FRYL: variants seen among roughly 807,000 people sequenced by gnomAD.
The protein encoded by FRYL is protein furry homolog-like.
FRYL carries 150 observed loss-of-function variants against 351.2 expected under a neutral mutation model. The ratio of observed to expected loss-of-function variants is 0.43; its 90% confidence interval spans 0.37 to 0.49. The LOEUF (loss-of-function observed/expected upper bound fraction) is 0.49, where lower values mean the gene tolerates loss of function less well. Ranked by LOEUF, FRYL falls within the 20% of genes least tolerant of loss-of-function variation. The probability of loss-of-function intolerance (pLI) is 0.00; values close to 1 mark genes in which losing one functional copy is unlikely to be tolerated. For missense variants in FRYL, 3,036 were observed against 3,619.3 expected (o/e 0.84, Z 4.13); for synonymous variants, 1,153 against 1,257.1 (o/e 0.92, Z 1.75).
At chr4:48,748,836 G>A (rs968624701) in intron 1 of FRYL, among the ~76,000 whole-genome samples, 1 of 152,186 alleles carries the variant, frequency 6.6e-6, no homozygotes, top group Non-Finnish European at 1.5e-5. Flanking sequence ...TCATGCAGTG[G>A]CCAAGTGTGG....
intron 1 of FRYL, among the ~76,000 whole-genome samples, chr4:48,737,056 G>C (rs1331437197): frequency 6.6e-6 from 1 of 151,632 alleles, no homozygotes; most frequent in African/African-American, 2.4e-5. Context: ...GAGGCAGGCG[G>C]ATCATCTGAG....
intron 17 of FRYL, 78 bp from the exon 18 acceptor site, chr4:48,589,955 T>A: frequency 1.6e-6 from 2 of 1,269,928 alleles, no homozygotes; most frequent in Non-Finnish European, 1.1e-6. Flanking sequence ...AAAAGCCTAT[T>A]AATCTTTAAA....
At chr4:48,656,141 CATT>C (rs1179341125) in intron 3 of FRYL, among the ~76,000 whole-genome samples, 1 of 131,768 alleles carries the variant, frequency 7.6e-6, no homozygotes, top group African/African-American at 2.8e-5. Flanking sequence ...ACAATATATA[CATT>C]ATAAAACGTA....
At chr4:48,642,398 G>C (rs1473623453) in intron 3 of FRYL, among the ~76,000 whole-genome samples, 1 of 152,054 alleles carries the variant, frequency 6.6e-6, no homozygotes, top group Non-Finnish European at 1.5e-5. Context: ...TCAGAGGAGA[G>C]ATCTAATTCT....
chr4:48,507,183 G>T (rs1353373282), intron 59 of FRYL, among the ~76,000 whole-genome samples: 1 of 151,952 alleles, frequency 6.6e-6, no homozygotes, highest in Admixed American at 6.6e-5. Flanking sequence ...ACAGCCTTTT[G>T]GGGGGCACTA....
chr4:48,572,265 G>A (rs1738501935), intron 26 of FRYL, among the ~76,000 whole-genome samples: 1 of 152,182 alleles, frequency 6.6e-6, no homozygotes, highest in African/African-American at 2.4e-5. Context: ...AGACCCAGGA[G>A]TCTAAAATTT....
At chr4:48,729,291 C>G (rs1197423584) in intron 1 of FRYL, among the ~76,000 whole-genome samples, 1 of 152,244 alleles carries the variant, frequency 6.6e-6, no homozygotes, top group Non-Finnish European at 1.5e-5. Context: ...TCTCTAGATT[C>G]CACATCTGGG....
rs1482060320 is a variant in FRYL, at chr4:48,497,844, A to C, written c.*1578T>G. ...CTGGAAATGTTTAACTGTGGTCAGCAGTCCAATGGTGTGCACAGTGCCTTC... is the reference window on the plus strand; with the variant it reads ...CTGGAAATGTTTAACTGTGGTCAGCCGTCCAATGGTGTGCACAGTGCCTTC... On this transcript the variant is annotated 3_prime_UTR_variant, in exon 64 of 64. Coordinates refer to ENST00000358350, the MANE Select transcript of FRYL (RefSeq NM_015030.2). 2.0e-5 allele frequency: 3 copies of C among 152,670 alleles called. No individual in the cohort carries two copies. Among genetic ancestry groups the C allele is most frequent in the African/African-American group, 7.2e-5 (3 of 41,470 alleles). The allele number at this position is 152,670 out of a possible 1,614,324, so 9.5% of individuals were successfully genotyped here. A position where few individuals can be genotyped will look rare whatever the true frequency, so the allele number is the denominator to read the frequency against.
intron 1 of FRYL, among the ~76,000 whole-genome samples, chr4:48,761,942 T>C (rs1305934385): frequency 6.6e-6 from 1 of 152,182 alleles, no homozygotes; most frequent in Non-Finnish European, 1.5e-5. Flanking sequence ...CTACCCAAAG[T>C]GATGACAGGA....
intron 53 of FRYL, among the ~76,000 whole-genome samples, chr4:48,523,670 G>T (rs1276587524): frequency 1.3e-5 from 2 of 152,138 alleles, no homozygotes; most frequent in Non-Finnish European, 2.9e-5. Flanking sequence ...CTTTTTTTAT[G>T]CAAAATATGT....
rs149389499 is a variant in FRYL at position 48,692,235 on chromosome 4, C to T, written c.-203-7440G>A. On this transcript the variant is annotated intron_variant, in intron 2 of 63. Coordinates refer to ENST00000358350, the MANE Select transcript of FRYL (RefSeq NM_015030.2). The stretch of plus-strand genomic sequence containing the variant: ...CAAAGTCCCTTCTTCACATTTCTTA[C>T]TATGGGCCTAAATCGCCTTTTTGAC... 4.3e-3 allele frequency among the ~76,000 whole-genome samples: 662 copies of T among 152,242 alleles called. 8 individuals carry two copies. Among genetic ancestry groups the T allele is most frequent in the African/African-American group, 0.014 (597 of 41,548 alleles).
chr4:48,567,469 T>C lies in FRYL; in HGVS notation c.2997-49A>G, dbSNP rs1737038623. 5.0e-6 allele frequency: 7 copies of C among 1,404,522 alleles called. No homozygotes were observed. The highest frequency in any genetic ancestry group is 2.5e-5 in the Admixed American group (1 of 39,648). 87.0% of individuals were successfully genotyped at this position (1,404,522 alleles called of 1,614,324 possible). ...AGATGAAGTAAATGGGACTTTATGATTTAAATAAAAAATTCTTAATACTCA... is the reference window on the plus strand; with the variant it reads ...AGATGAAGTAAATGGGACTTTATGACTTAAATAAAAAATTCTTAATACTCA... On this transcript the variant is annotated intron_variant, in intron 27 of 63. Coordinates refer to ENST00000358350, the MANE Select transcript of FRYL (RefSeq NM_015030.2). The surrounding 1 kb of genome is among the most constrained non-coding windows in gnomAD (Gnocchi z 4.2).
At position 48,499,627 on chromosome 4, in the gene FRYL, G is replaced by A; in HGVS notation, c.8837C>T (p.Thr2946Ile). The change falls in exon 64 of 64, where the codon ACA (threonine) becomes ATA (isoleucine). Residue 2946 changes from threonine to isoleucine, a missense_variant. By Grantham distance (89) the Thr-to-Ile change is moderately conservative. Around this residue, in one of 7 missense-constraint regions of FRYL, gnomAD observed 1,987 missense variants for 2,311.7 expected, o/e 0.86. Coordinates refer to ENST00000358350, the MANE Select transcript of FRYL (RefSeq NM_015030.2). ...ATGATGGAAATATATATGTAACAGT[G>A]TCTGTACAGGGTCATCTTCACAACT... ...FGSCEDDPVQ[T>I]LLHIYFHHQT... 6.2e-7 allele frequency: 1 copy of A among 1,613,696 alleles called. No individual in the cohort carries two copies. The highest frequency in any genetic ancestry group is 1.1e-5 in the South Asian group (1 of 91,080).
intron 2 of FRYL, among the ~76,000 whole-genome samples, chr4:48,698,547 G>C (rs2149571618): frequency 6.6e-6 from 1 of 152,138 alleles, no homozygotes; most frequent in Admixed American, 6.5e-5. Context: ...TACTGTGCTG[G>C]GTGAGATTTA....
At position 48,510,819 on chromosome 4, in the gene FRYL, G is replaced by A; in HGVS notation, c.8295+16C>T. 6.3e-7 allele frequency: 1 copy of A among 1,594,280 alleles called. No homozygotes were observed. Among genetic ancestry groups the A allele is most frequent in the Non-Finnish European group, 8.6e-7 (1 of 1,165,326 alleles). On this transcript the variant is annotated intron_variant, in intron 58 of 63. Coordinates refer to ENST00000358350, the MANE Select transcript of FRYL (RefSeq NM_015030.2). ...CCAATGTAGTCTTTATAATAAACCT[G>A]CATGTAAAAACTTACTGTTTCAGCA...
intron 7 of FRYL, among the ~76,000 whole-genome samples, chr4:48,614,233 TA>T (rs576774557): frequency 4.0e-5 from 6 of 150,012 alleles, no homozygotes; most frequent in South Asian, 2.1e-4. Flanking sequence ...TTCAGTAGTT[TA>T]AAAAAAAAAT....
chr4:48,499,332 T>A lies in FRYL; in HGVS notation c.*90A>T, dbSNP rs1444295279. On this transcript the variant is annotated 3_prime_UTR_variant, in exon 64 of 64. Transcript: ENST00000358350. The stretch of plus-strand genomic sequence containing the variant: ...TAAAAAGTAGATGCTGCCAGAAAGT[T>A]ATCAGTGAATGCAAGGGTCCATAAA... 9.0e-7 allele frequency: 1 copy of A among 1,111,636 alleles called. No homozygotes were observed. The highest frequency in any genetic ancestry group is 2.4e-5 in the East Asian group (1 of 42,148). 68.9% of individuals were successfully genotyped at this position (1,111,636 alleles called of 1,614,324 possible).
At chr4:48,550,005 GA>G (rs1248178722) in intron 38 of FRYL, among the ~76,000 whole-genome samples, 1 of 152,166 alleles carries the variant, frequency 6.6e-6, no homozygotes, top group Non-Finnish European at 1.5e-5. Context: ...GCTCCATCTT[GA>G]AAGGAACTCT....
At chr4:48,713,042 C>T (rs961281691) in intron 1 of FRYL, among the ~76,000 whole-genome samples, 7 of 152,006 alleles carry the variant, frequency 4.6e-5, no homozygotes, top group African/African-American at 1.7e-4. Context: ...GAGATTCTGT[C>T]ACCACCAGGC....
Sources: gnomAD v4.1 joint callset for allele counts (sites outside exome capture counted in the v4.1 genomes callset) on GRCh38, gnomAD v4.1.1 for gene constraint, gnomAD v4.1.1 regional missense constraint, Gnocchi (gnomAD v3.1) non-coding constraint, MANE v1.5 for transcripts, NCBI Gene and HGNC (gene_info 2026-07-23, HGNC 2026-07-21) for gene names.